The following RAB28 variants were observed in gnomAD, a reference collection of about 807,000 sequenced individuals.
RAB28 encodes RAB28, member RAS oncogene family, also known as ras-related protein Rab-28.
In RAB28, 24 loss-of-function variants were observed where a neutral mutation model predicts 31.7. That is an observed-to-expected ratio of 0.76 (90% CI 0.55 to 1.06). The LOEUF (loss-of-function observed/expected upper bound fraction) is 1.06, where lower values mean the gene tolerates loss of function less well. Ranked by LOEUF, RAB28 falls within the 50% of genes least tolerant of loss-of-function variation. The probability of loss-of-function intolerance (pLI) is 0.00; values close to 1 mark genes in which losing one functional copy is unlikely to be tolerated. For synonymous variants in RAB28, 100 were observed against 90.4 expected, an observed-to-expected ratio of 1.11 and a Z score of -0.60; for missense variants, 254 against 258.5, an observed-to-expected ratio of 0.98 and a Z score of 0.12.
chr4:13,457,633 C>T (rs1715368832), intron 4 of RAB28, among the ~76,000 whole-genome samples: 1 of 151,802 alleles, frequency 6.6e-6, no homozygotes, highest in Admixed American at 6.6e-5. Flanking sequence ...AACCTCTTGT[C>T]TTTTATGCTA....
Position 13,468,321 on chromosome 4 carries a change from T to TAAACTACATTCTGGGCCATAA in RAB28, c.261+5976_261+5996dup, listed in dbSNP as rs1217679828. ...AGCTCTCACGGTACATTCACCAAGA[T>TAAACTACATTCTGGGCCATAA]AAACTACATTCTGGGCCATAAAATA... On this transcript the variant is annotated intron_variant, in intron 3 of 6. Coordinates refer to ENST00000330852, the MANE Select transcript of RAB28 (RefSeq NM_001017979.3). Among the ~76,000 whole-genome samples, 22 of 152,130 alleles carry TAAACTACATTCTGGGCCATAA rather than the reference T, an allele frequency of 1.4e-4. No individual in the cohort carries two copies. In the East Asian group the frequency reaches 4.3e-3, roughly 29 times the overall value.
At chr4:13,397,366 G>A (rs1729914394) in intron 4 of RAB28, among the ~76,000 whole-genome samples, 2 of 152,038 alleles carry the variant, frequency 1.3e-5, no homozygotes, top group South Asian at 4.2e-4. Context: ...AGAAGGAGAT[G>A]GATAAAGGCA....
intron 6 of RAB28, among the ~76,000 whole-genome samples, chr4:13,375,794 C>G (rs566733317): frequency 0.018 from 2,623 of 148,166 alleles, 44 homozygotes; most frequent in African/African-American, 0.035. Flanking sequence ...CACACACACA[C>G]AGAGAGAGAG....
intron 5 of RAB28, among the ~76,000 whole-genome samples, chr4:13,377,604 AC>A (rs1326538691): frequency 6.6e-6 from 1 of 152,196 alleles, no homozygotes; most frequent in African/African-American, 2.4e-5. Flanking sequence ...TACTGGAAGG[AC>A]TTTGGCGTTT....
At chr4:13,393,700 T>C (rs1274603087) in intron 4 of RAB28, among the ~76,000 whole-genome samples, 2 of 149,588 alleles carry the variant, frequency 1.3e-5, no homozygotes, top group African/African-American at 5.0e-5. Flanking sequence ...GTATGCATAA[T>C]TAACTATATC....
chr4:13,460,545 T>G (rs1413678011), intron 4 of RAB28, among the ~76,000 whole-genome samples, 154 bp downstream of exon 4: 1 of 152,132 alleles, frequency 6.6e-6, no homozygotes, highest in African/African-American at 2.4e-5. Flanking sequence ...TCCACTCTCA[T>G]GACCTAATTA....
chr4:13,432,619 G>T (rs1041268512), intron 4 of RAB28, among the ~76,000 whole-genome samples: 1 of 152,150 alleles, frequency 6.6e-6, no homozygotes, highest in Non-Finnish European at 1.5e-5. Context: ...CAAGCAAAAA[G>T]AGACTGGGGC....
chr4:13,409,330 CATT>C (rs1208698815), intron 4 of RAB28, among the ~76,000 whole-genome samples: 6 of 152,188 alleles, frequency 3.9e-5, no homozygotes, highest in Admixed American at 3.9e-4. Context: ...TTAGGCGGTA[CATT>C]ATAATTGATT....
Position 13,449,985 on chromosome 4 carries a change from A to T in RAB28, c.391+10714T>A, listed in dbSNP as rs961797291. Among the ~76,000 whole-genome samples, 11 of 151,924 alleles carry T rather than the reference A, an allele frequency of 7.2e-5. 2 individuals carry two copies. The highest frequency in any genetic ancestry group is 7.2e-4 in the Admixed American group (11 of 15,276). The stretch of plus-strand genomic sequence containing the variant: ...CGGATTAAAGATAGAAAATAACAAA[A>T]TGACAAATTAAAATGCCATGTGGTT... On this transcript the variant is annotated intron_variant, in intron 4 of 6. Coordinates refer to ENST00000330852, the MANE Select transcript of RAB28 (RefSeq NM_001017979.3).
At chr4:13,404,541 T>C (rs1018996245) in intron 4 of RAB28, among the ~76,000 whole-genome samples, 14 of 152,062 alleles carry the variant, frequency 9.2e-5, no homozygotes, top group African/African-American at 3.1e-4. Context: ...TATAAAAATA[T>C]AGAATAATGA....
At chr4:13,429,838 A>G (rs182106664) in intron 4 of RAB28, among the ~76,000 whole-genome samples, 120 of 152,362 alleles carry the variant, frequency 7.9e-4, no homozygotes, top group Middle Eastern at 3.4e-3. Context: ...CTGAAAAAGA[A>G]AAGTAGAGAG....
intron 4 of RAB28, among the ~76,000 whole-genome samples, chr4:13,393,315 A>G (rs867391504): frequency 6.6e-6 from 1 of 152,208 alleles, no homozygotes; most frequent in Non-Finnish European, 1.5e-5. Context: ...TCTTCTCAAA[A>G]GGAATATGTA....
At chr4:13,479,708 C>T (rs1287963436) in intron 1 of RAB28, among the ~76,000 whole-genome samples, 182 bp from the exon 2 acceptor site, 1 of 151,542 alleles carries the variant, frequency 6.6e-6, no homozygotes, top group African/African-American at 2.4e-5. Context: ...ATTTTACTTG[C>T]CAGCAGCTAT....
chr4:13,413,507 G>A (rs1011606891), intron 4 of RAB28, among the ~76,000 whole-genome samples: 10 of 152,004 alleles, frequency 6.6e-5, no homozygotes, highest in Admixed American at 1.3e-4. Flanking sequence ...CTCTTTATTC[G>A]GCTCTTGTCA....
At chr4:13,370,572 A>G (rs1728678702) in intron 6 of RAB28, 1 of 958,262 alleles carries the variant, frequency 1.0e-6, no homozygotes, top group African/African-American at 1.8e-5. Flanking sequence ...GGAAGGAGTA[A>G]TTAATTATCT....
chr4:13,481,907 GAAC>G (rs2077086387), intron 1 of RAB28, among the ~76,000 whole-genome samples: 1 of 152,000 alleles, frequency 6.6e-6, no homozygotes, highest in Non-Finnish European at 1.5e-5. Flanking sequence ...ACAAAGAAAA[GAAC>G]AATAAAGGAA....
chr4:13,387,788 C>G (rs1279567969), intron 4 of RAB28, among the ~76,000 whole-genome samples: 2 of 152,022 alleles, frequency 1.3e-5, no homozygotes, highest in African/African-American at 2.4e-5. Flanking sequence ...ATACTTTTGA[C>G]TGGAATGAAA....
At chr4:13,419,118 G>T (rs1217875497) in intron 4 of RAB28, among the ~76,000 whole-genome samples, 1 of 151,704 alleles carries the variant, frequency 6.6e-6, no homozygotes, top group Non-Finnish European at 1.5e-5. Flanking sequence ...TGATAAAACA[G>T]ACATTAAAAA....
intron 4 of RAB28, among the ~76,000 whole-genome samples, chr4:13,395,468 G>A (rs1181327418): frequency 6.6e-6 from 1 of 151,942 alleles, no homozygotes; most frequent in Non-Finnish European, 1.5e-5. Flanking sequence ...TTCACATGTG[G>A]TTAAAATTAT....
Sources: gnomAD v4.1 joint callset for allele counts (sites outside exome capture counted in the v4.1 genomes callset) on GRCh38, gnomAD v4.1.1 for gene constraint, MANE v1.5 for transcripts, NCBI Gene and HGNC (gene_info 2026-07-23, HGNC 2026-07-21) for gene names.